Variants in LRTM3 observed in about 807,000 individuals in gnomAD.
LRTM3 encodes leucine-rich repeat transmembrane protein 3.
At chr13:102,753,022 G>A in the LRTM3 span, among the ~76,000 whole-genome samples, 1 of 152,106 alleles carries the variant, frequency 6.6e-6, no homozygotes, top group East Asian at 1.9e-4. Flanking sequence ...TGATGCACAT[G>A]CGTGTTTATT....
the LRTM3 span, chr13:102,731,400 G>T: frequency 6.4e-7 from 1 of 1,551,380 alleles, no homozygotes; most frequent in Non-Finnish European, 8.7e-7. Context: ...GCCATCTCTG[G>T]TATCAGATTC....
At chr13:102,735,593 T>C in the LRTM3 span, 1 of 1,551,134 alleles carries the variant, frequency 6.4e-7, no homozygotes, top group South Asian at 1.2e-5. Flanking sequence ...TAGTAATTGC[T>C]TTGCTTTCAG....
At chr13:102,756,469 T>C in the LRTM3 span, among the ~76,000 whole-genome samples, 1 of 151,090 alleles carries the variant, frequency 6.6e-6, no homozygotes, top group Non-Finnish European at 1.5e-5. Flanking sequence ...GGTCAGGGGT[T>C]CGAGACCAGC....
At chr13:102,736,577 T>C in the LRTM3 span, 2 of 1,551,004 alleles carry the variant, frequency 1.3e-6, no homozygotes, top group African/African-American at 2.7e-5. Context: ...TTTTATTGAG[T>C]CTAACTCAAG....
chr13:102,738,617 T>C, the LRTM3 span: 1 of 1,550,418 alleles, frequency 6.4e-7, no homozygotes, highest in East Asian at 2.4e-5. Context: ...TTTTACACTG[T>C]TTGAGATATT....
the LRTM3 span, chr13:102,729,824 C>A: frequency 6.4e-7 from 1 of 1,551,860 alleles, no homozygotes; most frequent in Non-Finnish European, 8.7e-7. Context: ...ATCGTGGTCC[C>A]AATGACTGCT....
the LRTM3 span, chr13:102,738,864 T>C: frequency 6.4e-7 from 1 of 1,550,726 alleles, no homozygotes; most frequent in East Asian, 2.4e-5. Flanking sequence ...TCTTGGAATA[T>C]TGAAGGCTGC....
chr13:102,756,293 T>C, the LRTM3 span, among the ~76,000 whole-genome samples: 2 of 140,934 alleles, frequency 1.4e-5, no homozygotes, highest in Non-Finnish European at 3.1e-5. Flanking sequence ...AAGAGGTAAT[T>C]CTTCTAATCC....
At chr13:102,746,389 T>A in the LRTM3 span, 3 of 1,551,078 alleles carry the variant, frequency 1.9e-6, no homozygotes, top group Non-Finnish European at 2.6e-6. Context: ...CTGCTGTTTC[T>A]CCTTGCTTTA....
the LRTM3 span, chr13:102,731,670 T>C: frequency 4.6e-5 from 72 of 1,551,448 alleles, 1 homozygote; most frequent in East Asian, 1.4e-3. Context: ...GCTTCACAAA[T>C]GGGAAGTAAA....
the LRTM3 span, chr13:102,739,495 A>AT: frequency 6.4e-7 from 1 of 1,550,502 alleles, no homozygotes; most frequent in East Asian, 2.4e-5. Flanking sequence ...AATTTGAATT[A>AT]CTATGTGATA....
At chr13:102,730,659 T>C in the LRTM3 span, 1 of 1,552,058 alleles carries the variant, frequency 6.4e-7, no homozygotes, top group South Asian at 1.2e-5. Context: ...GGACTTTGCT[T>C]TTTGAAAGAA....
the LRTM3 span, chr13:102,740,821 G>T: frequency 6.5e-7 from 1 of 1,549,574 alleles, no homozygotes; most frequent in Non-Finnish European, 8.7e-7. Flanking sequence ...CTAAACTATT[G>T]ATTGCCTTTA....
At chr13:102,758,879 A>G in the LRTM3 span, 4 of 1,550,064 alleles carry the variant, frequency 2.6e-6, no homozygotes, top group African/African-American at 1.4e-5. Flanking sequence ...TGAATGTATT[A>G]TCTTCCAGTC....
chr13:102,737,168 C>G, the LRTM3 span: 1 of 1,551,060 alleles, frequency 6.4e-7, no homozygotes, highest in African/African-American at 1.4e-5. Context: ...ATAATCCACA[C>G]TTACTGTTTT....
At chr13:102,730,779 C>G in the LRTM3 span, 10 of 1,551,446 alleles carry the variant, frequency 6.4e-6, no homozygotes, top group African/African-American at 1.4e-4. Flanking sequence ...TTGGGAAGTA[C>G]ATTTGGCTTA....
the LRTM3 span, chr13:102,729,860 G>A: frequency 1.4e-5 from 22 of 1,551,668 alleles, no homozygotes; most frequent in South Asian, 1.9e-4. Context: ...ATCAGATCTG[G>A]CCTTCTTTCT....
At chr13:102,748,564 A>G in the LRTM3 span, 25 of 1,550,686 alleles carry the variant, frequency 1.6e-5, no homozygotes, top group South Asian at 3.6e-5. Flanking sequence ...TTTTCATTCT[A>G]TTGTTCGATT....
the LRTM3 span, chr13:102,749,246 T>G: frequency 6.4e-7 from 1 of 1,550,786 alleles, no homozygotes. Flanking sequence ...GAGTTTGCTT[T>G]TACTGTCTGG....
Sources: gnomAD v4.1 joint callset for allele counts (sites outside exome capture counted in the v4.1 genomes callset) on GRCh38, gnomAD v4.1.1 for gene constraint, MANE v1.5 for transcripts, NCBI Gene and HGNC (gene_info 2026-07-23, HGNC 2026-07-21) for gene names.